KIF26B: variants seen among roughly 807,000 people sequenced by gnomAD.
The protein encoded by KIF26B is kinesin-like protein KIF26B.
In KIF26B, 63 loss-of-function variants were observed where a neutral mutation model predicts 151.2. That is an observed-to-expected ratio of 0.42 (90% CI 0.34 to 0.51). KIF26B has a LOEUF of 0.51. KIF26B is among the 20% of genes least tolerant of loss of function. KIF26B has a pLI of 0.07. For synonymous variants in KIF26B, 1,357 were observed against 1,262.1 expected (o/e 1.08, Z -1.59); for missense variants, 2,813 against 2,913.6 (o/e 0.97, Z 0.79).
rs544524996 is a variant in KIF26B, at chr1:245,569,407, A to G, written c.1350+28457A>G. On this transcript the variant is annotated intron_variant, in intron 5 of 14. Coordinates refer to ENST00000407071, the MANE Select transcript of KIF26B (RefSeq NM_018012.4). ...AGGATTATTTGAGTTTAGGAGTTCA[A>G]GACAAGCCTGGGCAACATGGCAGAA... Among the ~76,000 whole-genome samples, 6 of 152,240 alleles carry G rather than the reference A, an allele frequency of 3.9e-5. No individual in the cohort carries two copies. In the South Asian group the frequency reaches 1.2e-3, roughly 32 times the overall value.
At chr1:245,161,005 T>A (rs1455081741) in intron 2 of KIF26B, among the ~76,000 whole-genome samples, 1 of 152,176 alleles carries the variant, frequency 6.6e-6, no homozygotes. Flanking sequence ...AAAACAGACA[T>A]TGCATTTCGA....
At chr1:245,481,747 C>A (rs202170630) in intron 4 of KIF26B, among the ~76,000 whole-genome samples, 5 of 104,584 alleles carry the variant, frequency 4.8e-5, no homozygotes, top group African/African-American at 1.7e-4. Flanking sequence ...CAAATGTTAT[C>A]ATTACTGAGT....
chr1:245,353,768 G>A (rs1341010805), intron 2 of KIF26B: 1 of 152,622 alleles, frequency 6.6e-6, no homozygotes, highest in Non-Finnish European at 1.5e-5. Flanking sequence ...TCATCTCAGT[G>A]AATTTTCAGT....
rs2043524497 is a variant in KIF26B at position 245,611,803 on chromosome 1, A to G, written c.1925A>G (p.Gln642Arg). Residue 642 changes from glutamine to arginine, a missense_variant, in exon 9 of 15, where the codon CAG becomes CGG. Around this residue, in one of 3 missense-constraint regions of KIF26B, gnomAD observed 2,060 missense variants for 2,088.6 expected, o/e 0.99. Coordinates refer to ENST00000407071, the MANE Select transcript of KIF26B (RefSeq NM_018012.4). ...DPICGTQLQN[Q>R]SELRAPTAEK... ...GCTTCTGTCTTCCAGCTGCAGAACC[A>G]GAGCGAGCTGCGGGCCCCCACCGCA... The G allele has an allele frequency of 6.2e-7, 1 of 1,613,652 alleles. No homozygotes were observed. Among genetic ancestry groups the G allele is most frequent in the Non-Finnish European group, 8.5e-7 (1 of 1,179,844 alleles).
chr1:245,666,222 G>A (rs910251653), intron 10 of KIF26B, among the ~76,000 whole-genome samples: 22 of 151,926 alleles, frequency 1.4e-4, no homozygotes, highest in Non-Finnish European at 3.1e-4. Context: ...GGCTGGTCTT[G>A]AACTCCTGAC....
intron 4 of KIF26B, chr1:245,511,171 G>A (rs1660825722): frequency 7.3e-6 from 5 of 686,772 alleles, no homozygotes; most frequent in Non-Finnish European, 1.3e-5. Flanking sequence ...TAGGTGGTCT[G>A]TTTTCTTGCT....
At chr1:245,233,774 G>A (rs1432516163) in intron 2 of KIF26B, among the ~76,000 whole-genome samples, 1 of 152,214 alleles carries the variant, frequency 6.6e-6, no homozygotes, top group African/African-American at 2.4e-5. Flanking sequence ...ATGAGAGTGA[G>A]CATTTGCTGA....
intron 2 of KIF26B, among the ~76,000 whole-genome samples, chr1:245,254,757 C>T (rs1483305840): frequency 6.6e-6 from 1 of 152,130 alleles, no homozygotes; most frequent in Admixed American, 6.5e-5. Context: ...GCTGCCAGTG[C>T]ATTCCAAGAG....
intron 2 of KIF26B, among the ~76,000 whole-genome samples, chr1:245,161,560 C>T (rs6664841): frequency 1.3e-4 from 20 of 152,170 alleles, no homozygotes; most frequent in African/African-American, 4.6e-4. Flanking sequence ...CCAACAATAG[C>T]GATGATAGTA....
At chr1:245,541,196 T>C (rs1661613540) in intron 5 of KIF26B, among the ~76,000 whole-genome samples, 1 of 152,220 alleles carries the variant, frequency 6.6e-6, no homozygotes, top group Non-Finnish European at 1.5e-5. Context: ...CTTTGCATTG[T>C]TTGACAGAAT....
chr1:245,431,408 G>A (rs1009413694), intron 4 of KIF26B, among the ~76,000 whole-genome samples: 10 of 151,138 alleles, frequency 6.6e-5, no homozygotes, highest in Admixed American at 2.0e-4. Context: ...GCAGTGGTGC[G>A]ATCTCGGCTC....
In KIF26B at chr1:245,609,499, C is replaced by T. The variant is rs778221999; in HGVS notation, c.1885C>T (p.Leu629Phe). 2.5e-6 allele frequency: 4 copies of T among 1,581,264 alleles called. No individual in the cohort carries two copies. The highest frequency in any genetic ancestry group is 3.6e-5 in the Admixed American group (2 of 56,306). The change falls in exon 8 of 15, where the codon CTC (leucine) becomes TTC (phenylalanine). Residue 629 changes from leucine to phenylalanine, a missense_variant. Physicochemically the swap from Leu to Phe is conservative, Grantham distance 22. Transcript: ENST00000407071. The part of the protein sequence containing the change: ...LQDGQSPGVY[L>F]CEDPICGTQL... ...GGACGGCCAGTCCCCGGGCGTGTAC[C>T]TCTGTGAGGACCCCATCTGCGGCAC...
chr1:245,431,715 G>A (rs1658785866), intron 4 of KIF26B, among the ~76,000 whole-genome samples: 1 of 152,196 alleles, frequency 6.6e-6, no homozygotes, highest in Admixed American at 6.5e-5. Flanking sequence ...CTGACCTTGT[G>A]TTCCACCCAC....
intron 5 of KIF26B, among the ~76,000 whole-genome samples, chr1:245,571,757 C>T (rs893006373): frequency 2.0e-5 from 3 of 152,156 alleles, no homozygotes; most frequent in Non-Finnish European, 2.9e-5. Context: ...AAGGAACCTT[C>T]GCTATATTTC....
At chr1:245,338,418 GGCCTGCAGA>G (rs1672275549) in intron 2 of KIF26B, among the ~76,000 whole-genome samples, 1 of 152,188 alleles carries the variant, frequency 6.6e-6, no homozygotes, top group Non-Finnish European at 1.5e-5. Context: ...GAAACCATAT[GGCCTGCAGA>G]GCCAAAAATA....
intron 4 of KIF26B, among the ~76,000 whole-genome samples, chr1:245,478,264 G>A (rs1660084486): frequency 6.6e-6 from 1 of 151,802 alleles, no homozygotes; most frequent in African/African-American, 2.4e-5. Flanking sequence ...GTTTTCCCAC[G>A]TTTGGCTGTT....
intron 4 of KIF26B, among the ~76,000 whole-genome samples, chr1:245,489,449 A>T (rs1660351382): frequency 6.6e-6 from 1 of 152,222 alleles, no homozygotes; most frequent in Admixed American, 6.5e-5. Context: ...CAAGTCTAAG[A>T]GGCGTCAGCC....
intron 3 of KIF26B, chr1:245,371,643 C>T (rs1173844): frequency 0.47 from 70,766 of 151,980 alleles, 17,151 homozygotes; most frequent in Admixed American, 0.54. Flanking sequence ...ACATGGGCGA[C>T]AGAAGGTCCC....
intron 12 of KIF26B, among the ~76,000 whole-genome samples, chr1:245,694,472 G>T (rs1341068048): frequency 2.0e-5 from 3 of 152,206 alleles, no homozygotes; most frequent in African/African-American, 4.8e-5. Context: ...TCCCCAGGGG[G>T]AGCTGAGAGG....
Sources: allele counts gnomAD v4.1 joint callset (sites outside exome capture counted in the v4.1 genomes callset), GRCh38; gene constraint gnomAD v4.1.1; regional missense constraint gnomAD v4.1.1; transcripts MANE v1.5; gene names NCBI Gene and HGNC (gene_info 2026-07-23, HGNC 2026-07-21).